The following ILF2 variants were observed in gnomAD, a reference collection of about 807,000 sequenced individuals.
ILF2 encodes interleukin enhancer-binding factor 2.
Under a neutral mutation model 55.3 loss-of-function variants are expected in ILF2, and 9 were observed. That is an observed-to-expected ratio of 0.16 (90% confidence interval 0.10 to 0.28). The LOEUF is 0.28. Among genes scored for constraint, ILF2 ranks in the 10% least tolerant of loss-of-function variants. The probability of loss-of-function intolerance (pLI) is 1.00; values close to 1 mark genes in which losing one functional copy is unlikely to be tolerated. For missense variants in ILF2, 266 were observed against 474.9 expected, an observed-to-expected ratio of 0.56 and a Z score of 4.09; for synonymous variants, 151 against 161.8, an observed-to-expected ratio of 0.93 and a Z score of 0.50.
rs746967028 is a variant in ILF2, at chr1:153,662,562, A to C, written c.1013-6T>G. ...AGATATTTCAGAAGCAAGATCTAGG[A>C]AAGAGAAAAAGGTGATTTAGACGAG... On this transcript the variant is annotated splice_region_variant and splice_polypyrimidine_tract_variant and intron_variant, in intron 13 of 13. Transcript: ENST00000361891. 39 of 1,612,988 alleles carry C rather than the reference A, an allele frequency of 2.4e-5. No individual in the cohort carries two copies. The highest frequency in any genetic ancestry group is 3.1e-5 in the Non-Finnish European group (36 of 1,179,206).
chr1:153,665,598 G>T, intron 7 of ILF2, 65 bp downstream of exon 7: 1 of 1,301,108 alleles, frequency 7.7e-7, no homozygotes, highest in Non-Finnish European at 1.1e-6. Flanking sequence ...TGTTGAAAGT[G>T]TACTTACAAT....
chr1:153,665,859 A>G (rs561940314), intron 6 of ILF2, 131 bp from the exon 7 acceptor site: 126 of 684,472 alleles, frequency 1.8e-4, no homozygotes, highest in Non-Finnish European at 2.9e-4. Flanking sequence ...AATAGAATAT[A>G]TACTTTTATA....
chr1:153,670,184 C>T lies in ILF2; in HGVS notation c.52G>A (p.Gly18Ser). 6.2e-7 allele frequency: 1 copy of T among 1,614,120 alleles called. No homozygotes were observed. Among genetic ancestry groups the T allele is most frequent in the Non-Finnish European group, 8.5e-7 (1 of 1,180,008 alleles). The change falls in exon 2 of 14, where the codon GGC becomes AGC. Residue 18 changes from glycine (G) to serine (S), a missense_variant. Transcript: ENST00000361891. ...GCTGGTACTCACCCTCCTCCTGGGC[C>T]TCCTCTGGAACCAAAGCGCCCACCA... Reference protein sequence around the residue: ...GRGGRFGSRGGPGGGFRPFVP... With the variant: ...GRGGRFGSRGSPGGGFRPFVP...
chr1:153,663,036 T>C lies in ILF2; in HGVS notation c.904A>G (p.Met302Val). The change falls in exon 12 of 14, where the codon ATG (methionine) becomes GTG (valine). Residue 302 changes from methionine to valine, a missense_variant. Coordinates refer to ENST00000361891, the MANE Select transcript of ILF2 (RefSeq NM_004515.4). ...CCCAATACCTGCTGTTCTAGGGTCA[T>C]GACTGTGTGTACTCTAAAGTTGCCA... ...ESGNFRVHTV[M>V]TLEQQDMVCY... 1 of 1,613,718 alleles carries C rather than the reference T, an allele frequency of 6.2e-7. No individual in the cohort carries two copies. Among genetic ancestry groups the C allele is most frequent in the Non-Finnish European group, 8.5e-7 (1 of 1,179,624 alleles).
chr1:153,662,367 C>T lies in ILF2; in HGVS notation c.*29G>A, dbSNP rs1669192399. 1.2e-6 allele frequency: 2 copies of T among 1,613,386 alleles called. No individual in the cohort carries two copies. Among genetic ancestry groups the T allele is most frequent in the Non-Finnish European group, 1.7e-6 (2 of 1,179,808 alleles). ...GGCAGCTTAGGCTCCAGTCTTCCCC[C>T]TTGGGTAGGAAAAGGAGTGAAGGGA... On this transcript the variant is annotated 3_prime_UTR_variant, in exon 14 of 14. Transcript: ENST00000361891.
Position 153,662,331 on chromosome 1 carries a change from G to T in ILF2, c.*65C>A. 1 of 1,602,900 alleles carries T rather than the reference G, an allele frequency of 6.2e-7. No homozygotes were observed. The highest frequency in any genetic ancestry group is 8.5e-7 in the Non-Finnish European group (1 of 1,174,516). ...ACGGAAATGTCTGTCACCATGTAAA[G>T]CCCAGTAGCAGGCAGCTTAGGCTCC... On this transcript the variant is annotated 3_prime_UTR_variant, in exon 14 of 14. Coordinates refer to ENST00000361891, the MANE Select transcript of ILF2 (RefSeq NM_004515.4).
At chr1:153,663,174 A>G in intron 11 of ILF2, 41 bp from the exon 12 acceptor site, 3 of 1,613,928 alleles carry the variant, frequency 1.9e-6, no homozygotes, top group Non-Finnish European at 2.5e-6. Context: ...GGAATGCACA[A>G]AATAGTTTAC....
Position 153,665,291 on chromosome 1 carries a change from G to A in ILF2, c.506C>T (p.Ser169Phe), listed in dbSNP as rs1440839064. 2 of 1,613,700 alleles carry A rather than the reference G, an allele frequency of 1.2e-6. No individual in the cohort carries two copies. The highest frequency in any genetic ancestry group is 3.3e-5 in the Admixed American group (2 of 59,988). Reference protein sequence around the residue: ...TNETGFEISSSDATVKILITT... With the variant: ...TNETGFEISSFDATVKILITT... ...AATGAGAATCTTCACTGTAGCATCA[G>A]AAGAACTGATTTCAAAGCCAGTTTC... The change falls in exon 8 of 14, where the codon TCT becomes TTT. Residue 169 changes from serine to phenylalanine, a missense_variant. Physicochemically the swap from Ser to Phe is radical, Grantham distance 155. Transcript: ENST00000361891.
chr1:153,665,433 C>A, intron 7 of ILF2, 97 bp from the exon 8 acceptor site: 3 of 850,414 alleles, frequency 3.5e-6, no homozygotes, highest in Non-Finnish European at 6.0e-6. Context: ...TTTTTTAAAA[C>A]AGCACAAAGT....
At chr1:153,665,832 C>T (rs1669292540) in intron 6 of ILF2, 104 bp from the exon 7 acceptor site, 1 of 838,130 alleles carries the variant, frequency 1.2e-6, no homozygotes, top group African/African-American at 1.7e-5. Context: ...ATATCCAAGG[C>T]TGAAGCAAGG....
At chr1:153,663,928 A>G in intron 10 of ILF2, 115 bp downstream of exon 10, 1 of 515,622 alleles carries the variant, frequency 1.9e-6, no homozygotes, top group Non-Finnish European at 3.3e-6. Context: ...AAGCTTCACC[A>G]AATTTCAGAC....
intron 1 of ILF2, 48 bp from the exon 2 acceptor site, chr1:153,670,278 G>A (rs750819320): frequency 1.3e-6 from 2 of 1,586,072 alleles, no homozygotes; most frequent in East Asian, 2.2e-5. Context: ...ATACCCACCG[G>A]CCATATCATC....
In ILF2 at chr1:153,662,688, C is replaced by G; in HGVS notation, c.1012+17G>C. 6.2e-7 allele frequency: 1 copy of G among 1,610,050 alleles called. No individual in the cohort carries two copies. Among genetic ancestry groups the G allele is most frequent in the Non-Finnish European group, 8.5e-7 (1 of 1,176,344 alleles). ...CAGATTACAATACAAAACCCCTGACCCACAGTGGTCACTCACAGCTGGCAT... is the reference window on the plus strand; with the variant it reads ...CAGATTACAATACAAAACCCCTGACGCACAGTGGTCACTCACAGCTGGCAT... On this transcript the variant is annotated intron_variant, in intron 13 of 13. Coordinates refer to ENST00000361891, the MANE Select transcript of ILF2 (RefSeq NM_004515.4).
At chr1:153,668,414 C>A in intron 4 of ILF2, 39 bp downstream of exon 4, 1 of 1,612,700 alleles carries the variant, frequency 6.2e-7, no homozygotes, top group Non-Finnish European at 8.5e-7. Flanking sequence ...CTTTTAACTG[C>A]TTTAGAGACA....
chr1:153,665,116 G>A (rs1669275093), intron 8 of ILF2, 104 bp downstream of exon 8: 2 of 724,884 alleles, frequency 2.8e-6, no homozygotes, highest in African/African-American at 1.8e-5. Context: ...CAATTCCCAG[G>A]AAGCTGCATG....
Position 153,662,487 on chromosome 1 carries a change from G to A in ILF2, c.1082C>T (p.Pro361Leu). 6.2e-7 allele frequency: 1 copy of A among 1,613,646 alleles called. No individual in the cohort carries two copies. The highest frequency in any genetic ancestry group is 8.5e-7 in the Non-Finnish European group (1 of 1,179,646). The change falls in exon 14 of 14, where the codon CCA (proline) becomes CTA (leucine). Residue 361 changes from proline to leucine, a missense_variant. Transcript: ENST00000361891. ...VTPSEKAYEK[P>L]PEKKEGEEEE... ...TTCCTCTCCTTCCTTCTTCTCTGGT[G>A]GCTTCTCATAAGCCTTTTCTGAAGG...
rs1445247430 is a variant in ILF2, at chr1:153,662,871, G to C, written c.922-76C>G. 2.9e-6 allele frequency: 4 copies of C among 1,380,680 alleles called. No homozygotes were observed. The South Asian group carries it at 3.6e-5, about 12-fold the overall frequency. 85.5% of individuals were successfully genotyped at this position (1,380,680 alleles called of 1,614,324 possible). On this transcript the variant is annotated intron_variant, in intron 12 of 13. Transcript: ENST00000361891. ...TGAGTAATACCCTTCTGAAAACAGA[G>C]ATTAAGACAGCTTTTTAAATCTCAG...
rs551518161 is a variant in ILF2, at chr1:153,667,815, C to T, written c.292-158G>A. 7.9e-5 allele frequency among the ~76,000 whole-genome samples: 12 copies of T among 152,330 alleles called. No individual in the cohort carries two copies. In the South Asian group the frequency reaches 2.5e-3, roughly 32 times the overall value. Reference sequence around the variant, plus strand: ...CACCACATGAAAGCCTGATACATCACAGCTAGCATAACAATGATACAAGTC... The same window carrying T: ...CACCACATGAAAGCCTGATACATCATAGCTAGCATAACAATGATACAAGTC... On this transcript the variant is annotated intron_variant, in intron 5 of 13. Coordinates refer to ENST00000361891, the MANE Select transcript of ILF2 (RefSeq NM_004515.4).
chr1:153,664,333 T>TA (rs1669251285), intron 9 of ILF2, 63 bp downstream of exon 9: 3 of 1,310,398 alleles, frequency 2.3e-6, no homozygotes, highest in Non-Finnish European at 3.3e-6. Flanking sequence ...AGTATGGGGG[T>TA]ATCCTGCTAT....
Sources: allele counts gnomAD v4.1 joint callset (sites outside exome capture counted in the v4.1 genomes callset), GRCh38; gene constraint gnomAD v4.1.1; transcripts MANE v1.5; gene names NCBI Gene and HGNC (gene_info 2026-07-23, HGNC 2026-07-21).